Variants in BCAS3 observed in about 807,000 individuals in gnomAD.
The protein encoded by BCAS3 is BCAS3 microtubule associated cell migration factor.
In BCAS3, 53 loss-of-function variants were observed where a neutral mutation model predicts 116.1. The observed-to-expected ratio is 0.46, with a 90% CI of 0.37 to 0.57. BCAS3 has a LOEUF of 0.57. BCAS3 is among the 20% of genes least tolerant of loss of function. BCAS3 has a pLI of 0.00. For synonymous variants in BCAS3, 391 were observed against 408.2 expected (o/e 0.96, Z 0.51); for missense variants, 917 against 1,165.4 (o/e 0.79, Z 3.10).
intron 21 of BCAS3, among the ~76,000 whole-genome samples, chr17:61,079,129 A>G (rs1196165115): frequency 2.6e-5 from 4 of 151,878 alleles, no homozygotes; most frequent in African/African-American, 9.7e-5. Flanking sequence ...TTTGCTTAGC[A>G]GTTTAATTTG....
intron 14 of BCAS3, among the ~76,000 whole-genome samples, chr17:60,949,456 T>C (rs1332724026): frequency 6.6e-6 from 1 of 151,914 alleles, no homozygotes; most frequent in Non-Finnish European, 1.5e-5. Flanking sequence ...TTTGTAGAGA[T>C]GACACTATGT....
In BCAS3 at chr17:61,207,260, G is replaced by A. The variant is rs570897550; in HGVS notation, c.2425+122696G>A. Among the ~76,000 whole-genome samples, 7 of 151,898 alleles carry A rather than the reference G, an allele frequency of 4.6e-5. No homozygotes were observed. The East Asian group carries it at 5.8e-4, about 13-fold the overall frequency. On this transcript the variant is annotated intron_variant, in intron 22 of 23. Transcript: ENST00000407086. The stretch of plus-strand genomic sequence containing the variant: ...CCTATGGGTACAAGTGATTGACATC[G>A]TTTTCTTGTCGATAAGTATGATACT...
chr17:61,232,350 C>T (rs1328836813), intron 22 of BCAS3, among the ~76,000 whole-genome samples: 1 of 150,830 alleles, frequency 6.6e-6, no homozygotes, highest in African/African-American at 2.4e-5. Context: ...ACGTGTGTTG[C>T]ATGTAATGAC....
At chr17:61,137,797 CTG>C (rs1202844349) in intron 22 of BCAS3, among the ~76,000 whole-genome samples, 1 of 152,134 alleles carries the variant, frequency 6.6e-6, no homozygotes, top group Non-Finnish European at 1.5e-5. Flanking sequence ...ATGCTAAAAA[CTG>C]AATTATCAGT....
chr17:61,278,156 C>G lies in BCAS3; in HGVS notation c.2426-90171C>G, dbSNP rs2050932956. On this transcript the variant is annotated intron_variant, in intron 22 of 23. Coordinates refer to ENST00000407086, the MANE Select transcript of BCAS3 (RefSeq NM_017679.5). The surrounding 1 kb of genome is among the most constrained non-coding windows in gnomAD (Gnocchi z 5.8). ...GGTCCTGATTCAAGCAATTCTCCTG[C>G]CTCAGCCTCCCGAGTAGCTGGGATT... Among the ~76,000 whole-genome samples, 1 of 152,208 alleles carries G rather than the reference C, an allele frequency of 6.6e-6. No individual in the cohort carries two copies. Among genetic ancestry groups the G allele is most frequent in the Non-Finnish European group, 1.5e-5 (1 of 68,044 alleles).
At chr17:60,982,396 C>T (rs1358466236) in intron 14 of BCAS3, among the ~76,000 whole-genome samples, 3 of 152,152 alleles carry the variant, frequency 2.0e-5, no homozygotes, top group Non-Finnish European at 4.4e-5. Context: ...AGCCTCATAA[C>T]TCCTGGGCTT....
At chr17:60,910,476 C>T (rs548516544) in intron 11 of BCAS3, 56 bp from the exon 12 acceptor site, 27 of 1,351,604 alleles carry the variant, frequency 2.0e-5, no homozygotes, top group Non-Finnish European at 2.6e-5. Context: ...ATGCGTATTT[C>T]TATGTAGAAT....
chr17:61,297,500 C>T (rs530848271), intron 22 of BCAS3, among the ~76,000 whole-genome samples: 2 of 152,256 alleles, frequency 1.3e-5, no homozygotes, highest in East Asian at 3.9e-4. Flanking sequence ...TTCACCTAAA[C>T]CCTCCTGTTA....
intron 7 of BCAS3, among the ~76,000 whole-genome samples, chr17:60,812,954 G>T (rs1283040432): frequency 6.6e-6 from 1 of 152,024 alleles, no homozygotes; most frequent in Non-Finnish European, 1.5e-5. Flanking sequence ...TGTTACCCAG[G>T]CTGGTCTTGA....
In BCAS3 at chr17:60,892,000, A is replaced by G. The variant is rs533167167; in HGVS notation, c.738+2229A>G. On this transcript the variant is annotated intron_variant, in intron 10 of 23. Transcript: ENST00000407086. Reference sequence around the variant, plus strand: ...TGATTTCATTCTTTCTGTGGTTGCAAAGTATTCCATGGTGTGTATAACCAT... The same window carrying G: ...TGATTTCATTCTTTCTGTGGTTGCAGAGTATTCCATGGTGTGTATAACCAT... Among the ~76,000 whole-genome samples the G allele has an allele frequency of 9.2e-5, 14 of 152,316 alleles. No individual in the cohort carries two copies. The East Asian group carries it at 2.5e-3, about 27-fold the overall frequency.
At chr17:61,357,551 T>G (rs2058222410) in intron 22 of BCAS3, among the ~76,000 whole-genome samples, 1 of 149,506 alleles carries the variant, frequency 6.7e-6, no homozygotes, top group Non-Finnish European at 1.5e-5. Context: ...TTCAAGCAGT[T>G]CTCTGCCTCA....
rs561674485 is a variant in BCAS3 at position 61,183,163 on chromosome 17, A to T, written c.2425+98599A>T. On this transcript the variant is annotated intron_variant, in intron 22 of 23. Transcript: ENST00000407086. ...AAATTTTTTTGTTTTTCCTGAAGAAACTCCCCTTCATTTAAAAATCTATAG... is the reference window on the plus strand; with the variant it reads ...AAATTTTTTTGTTTTTCCTGAAGAATCTCCCCTTCATTTAAAAATCTATAG... 5.3e-5 allele frequency among the ~76,000 whole-genome samples: 8 copies of T among 152,146 alleles called. No individual in the cohort carries two copies. The East Asian group carries it at 1.5e-3, about 29-fold the overall frequency.
At chr17:61,275,767 C>T (rs140611645) in intron 22 of BCAS3, among the ~76,000 whole-genome samples, 1 of 152,246 alleles carries the variant, frequency 6.6e-6, no homozygotes, top group Non-Finnish European at 1.5e-5. Context: ...ACATCAGTGA[C>T]GGTAAGCATA....
At position 61,115,078 on chromosome 17, in the gene BCAS3, C is replaced by T. The variant is rs866367005; in HGVS notation, c.2425+30514C>T. On this transcript the variant is annotated intron_variant, in intron 22 of 23. Transcript: ENST00000407086. ...CTGGATCCCTTCCTTACACCTTATACAAAAATCAATTCAAGATGGATTAAA... is the reference window on the plus strand; with the variant it reads ...CTGGATCCCTTCCTTACACCTTATATAAAAATCAATTCAAGATGGATTAAA... Among the ~76,000 whole-genome samples, 9 of 149,714 alleles carry T rather than the reference C, an allele frequency of 6.0e-5. No homozygotes were observed. In the South Asian group the frequency reaches 1.7e-3, roughly 28 times the overall value.
intron 22 of BCAS3, among the ~76,000 whole-genome samples, chr17:61,295,650 G>A (rs1201089135): frequency 2.0e-5 from 3 of 151,996 alleles, no homozygotes; most frequent in South Asian, 4.2e-4. Flanking sequence ...CATGGTTGCC[G>A]TTTGAAATTT....
At chr17:61,053,457 C>A (rs1000805775) in intron 19 of BCAS3, among the ~76,000 whole-genome samples, 1 of 152,134 alleles carries the variant, frequency 6.6e-6, no homozygotes, top group Non-Finnish European at 1.5e-5. Context: ...AAAAGGACAA[C>A]GATACAAAAA....
rs2060140915 is a variant in BCAS3, at chr17:61,391,726, G to A, written c.2594-251G>A. The A allele has an allele frequency of 1.9e-6, 1 of 518,712 alleles. No individual in the cohort carries two copies. Among genetic ancestry groups the A allele is most frequent in the Non-Finnish European group, 3.5e-6 (1 of 288,664 alleles). 32.1% of individuals were successfully genotyped at this position (518,712 alleles called of 1,614,324 possible). On this transcript the variant is annotated intron_variant, in intron 23 of 23. Transcript: ENST00000407086. This position sits in a 1 kb window ranked among gnomAD's most constrained non-coding sequence, Gnocchi z 7.7. The stretch of plus-strand genomic sequence containing the variant: ...AGGGTGGCCGTGCTTCGGGCCTAAA[G>A]GGCTTCCCGCAGCAGGGAGACGGTG...
intron 22 of BCAS3, among the ~76,000 whole-genome samples, chr17:61,090,751 G>A (rs554125186): frequency 2.6e-5 from 4 of 152,044 alleles, no homozygotes; most frequent in Admixed American, 6.6e-5. Flanking sequence ...TCTGCCTCTC[G>A]GGTTCAAGCG....
At chr17:61,154,437 A>AT (rs375714479) in intron 22 of BCAS3, among the ~76,000 whole-genome samples, 3,492 of 141,466 alleles carry the variant, frequency 0.025, 45 homozygotes, top group African/African-American at 0.039. Context: ...AGCACAAGCA[A>AT]TTTTTTTTTT....
Sources: allele counts gnomAD v4.1 joint callset (sites outside exome capture counted in the v4.1 genomes callset), GRCh38; gene constraint gnomAD v4.1.1; non-coding constraint Gnocchi (gnomAD v3.1); transcripts MANE v1.5; gene names NCBI Gene and HGNC (gene_info 2026-07-23, HGNC 2026-07-21).